The following MCTP1 variants were observed in gnomAD, a reference collection of about 807,000 sequenced individuals.
MCTP1 encodes the protein multiple C2 and transmembrane domain-containing protein 1.
Under a neutral mutation model 120.6 loss-of-function variants are expected in MCTP1, and 69 were observed. That is an observed-to-expected ratio of 0.57 (90% CI 0.47 to 0.70). MCTP1 has a LOEUF of 0.70. MCTP1 is among the 30% of genes least tolerant of loss of function. The pLI, the probability that MCTP1 is intolerant of heterozygous loss-of-function variation, is 0.00. For missense variants in MCTP1, 1,203 were observed against 1,248.8 expected (o/e 0.96, Z 0.55); for synonymous variants, 529 against 493.1 (o/e 1.07, Z -0.96).
Position 95,191,384 on chromosome 5 carries a change from G to A in MCTP1, c.720+92472C>T, listed in dbSNP as rs532717630. Among the ~76,000 whole-genome samples the A allele has an allele frequency of 2.6e-5, 4 of 152,016 alleles. No homozygotes were observed. In the South Asian group the frequency reaches 8.3e-4, roughly 31 times the overall value. The stretch of plus-strand genomic sequence containing the variant: ...AGTGCCCCTAGGTTTCAAACAGAAA[G>A]GTTTAGTAATGCTAATAAAGTATGA... On this transcript the variant is annotated intron_variant, in intron 1 of 22. Transcript: ENST00000515393.
chr5:94,943,689 G>T (rs931616210), intron 3 of MCTP1, among the ~76,000 whole-genome samples: 1 of 151,968 alleles, frequency 6.6e-6, no homozygotes, highest in African/African-American at 2.4e-5. Context: ...ATGATATGTG[G>T]TTACAAATTC....
At chr5:95,277,339 G>T (rs113639474) in intron 1 of MCTP1, among the ~76,000 whole-genome samples, 1,897 of 152,290 alleles carry the variant, frequency 0.012, 40 homozygotes, top group African/African-American at 0.043. Context: ...GTCTGCCCAA[G>T]AACCAGAATT....
chr5:94,802,173 A>G (rs1309646342), intron 17 of MCTP1, among the ~76,000 whole-genome samples: 1 of 152,204 alleles, frequency 6.6e-6, no homozygotes, highest in Non-Finnish European at 1.5e-5. Flanking sequence ...TAATTGAGTG[A>G]GGAGCTCCTA....
At chr5:94,951,046 G>A (rs1820434519) in intron 3 of MCTP1, among the ~76,000 whole-genome samples, 1 of 151,886 alleles carries the variant, frequency 6.6e-6, no homozygotes, top group Admixed American at 6.6e-5. Flanking sequence ...AGGACTTTCA[G>A]GGTATCCATC....
intron 17 of MCTP1, among the ~76,000 whole-genome samples, chr5:94,837,374 C>G (rs1351559198): frequency 3.3e-5 from 5 of 152,096 alleles, no homozygotes; most frequent in Non-Finnish European, 7.4e-5. Flanking sequence ...GTGTGACACC[C>G]TGTCTCAAAC....
chr5:94,972,494 T>A (rs1042144908), intron 2 of MCTP1, among the ~76,000 whole-genome samples: 1 of 152,032 alleles, frequency 6.6e-6, no homozygotes, highest in Non-Finnish European at 1.5e-5. Flanking sequence ...CCTGGTAGGA[T>A]GTGAGAATAA....
intron 2 of MCTP1, among the ~76,000 whole-genome samples, chr5:94,966,879 T>G (rs1237471995): frequency 1.3e-5 from 2 of 152,194 alleles, no homozygotes; most frequent in African/African-American, 2.4e-5. Context: ...TAGTGCTTTT[T>G]CTTGCACATG....
In MCTP1 at chr5:95,145,485, A is replaced by T. The variant is rs188279421; in HGVS notation, c.721-128001T>A. 6.4e-4 allele frequency among the ~76,000 whole-genome samples: 98 copies of T among 152,270 alleles called. 1 individual carries two copies. The highest frequency in any genetic ancestry group is 2.3e-3 in the African/African-American group (97 of 41,564). Reference sequence around the variant, plus strand: ...TTATCTTGTTCTAGTTCTCAAGAGGAATGATTCCAACTTTTGCCTATTCAG... The same window carrying T: ...TTATCTTGTTCTAGTTCTCAAGAGGTATGATTCCAACTTTTGCCTATTCAG... On this transcript the variant is annotated intron_variant, in intron 1 of 22. Transcript: ENST00000515393.
At chr5:94,810,652 T>C (rs764404397) in intron 17 of MCTP1, among the ~76,000 whole-genome samples, 1 of 152,220 alleles carries the variant, frequency 6.6e-6, no homozygotes, top group Non-Finnish European at 1.5e-5. Flanking sequence ...TGATCAATTA[T>C]GGTAATTCCT....
chr5:94,892,930 G>A (rs1330348602), intron 11 of MCTP1, among the ~76,000 whole-genome samples: 3 of 152,290 alleles, frequency 2.0e-5, no homozygotes, highest in African/African-American at 7.2e-5. Flanking sequence ...TTATGGATAT[G>A]AGTAAATATA....
At chr5:95,160,096 C>T (rs553752192) in intron 1 of MCTP1, among the ~76,000 whole-genome samples, 7 of 152,240 alleles carry the variant, frequency 4.6e-5, no homozygotes, top group South Asian at 2.1e-4. Flanking sequence ...TTGTATACAA[C>T]GGCAGAAATT....
At chr5:94,954,161 TATATATACATATATATATATGC>T (rs1337392911) in intron 2 of MCTP1, among the ~76,000 whole-genome samples, 13 of 100,968 alleles carry the variant, frequency 1.3e-4, no homozygotes, top group Admixed American at 2.2e-4. Context: ...TATATATGCA[TATATATACATATATATATATGC>T]ATATATATAT....
intron 2 of MCTP1, among the ~76,000 whole-genome samples, chr5:94,991,355 T>C (rs1200836284): frequency 1.3e-5 from 2 of 152,198 alleles, no homozygotes; most frequent in East Asian, 3.8e-4. Flanking sequence ...GTTCATAACA[T>C]TAAATATTTT....
intron 18 of MCTP1, among the ~76,000 whole-genome samples, chr5:94,784,599 G>A (rs979372102): frequency 4.6e-5 from 7 of 151,966 alleles, no homozygotes; most frequent in African/African-American, 1.7e-4. Flanking sequence ...ATCAAGTCTG[G>A]GATATACTGT....
intron 1 of MCTP1, among the ~76,000 whole-genome samples, chr5:95,118,263 T>C (rs193283065): frequency 6.6e-6 from 1 of 151,814 alleles, no homozygotes; most frequent in African/African-American, 2.4e-5. Flanking sequence ...AGGTGTAGAG[T>C]TTTTATTAGT....
At chr5:95,138,801 A>G (rs1029760071) in intron 1 of MCTP1, among the ~76,000 whole-genome samples, 2 of 152,194 alleles carry the variant, frequency 1.3e-5, no homozygotes, top group Non-Finnish European at 2.9e-5. Flanking sequence ...CACTGCCTCT[A>G]GTGTGCAAAG....
chr5:94,719,425 A>G (rs374767361), intron 19 of MCTP1, among the ~76,000 whole-genome samples: 1 of 152,336 alleles, frequency 6.6e-6, no homozygotes, highest in East Asian at 1.9e-4. Flanking sequence ...CCAACAATGC[A>G]TAAGTGATAG....
intron 5 of MCTP1, among the ~76,000 whole-genome samples, chr5:94,938,491 C>T (rs941235990): frequency 2.0e-5 from 3 of 152,034 alleles, no homozygotes; most frequent in Non-Finnish European, 4.4e-5. Flanking sequence ...TTATTAAGGC[C>T]TATTTTACAC....
intron 1 of MCTP1, among the ~76,000 whole-genome samples, chr5:95,269,407 T>C (rs1012224464): frequency 1.3e-4 from 20 of 152,206 alleles, no homozygotes; most frequent in Non-Finnish European, 2.9e-4. Flanking sequence ...ACAACATGAT[T>C]TGAAGTCATG....
Sources: gnomAD v4.1 joint callset for allele counts (sites outside exome capture counted in the v4.1 genomes callset) on GRCh38, gnomAD v4.1.1 for gene constraint, MANE v1.5 for transcripts, NCBI Gene and HGNC (gene_info 2026-07-23, HGNC 2026-07-21) for gene names.